ACAP2: variants seen among roughly 807,000 people sequenced by gnomAD.
ACAP2 encodes arf-GAP with coiled-coil, ANK repeat and PH domain-containing protein 2.
ACAP2 carries 39 observed loss-of-function variants against 115.8 expected under a neutral mutation model. That is an observed-to-expected ratio of 0.34 (90% CI 0.26 to 0.44). The LOEUF is 0.44. Among genes scored for constraint, ACAP2 ranks in the 20% least tolerant of loss-of-function variants. The probability of loss-of-function intolerance (pLI) is 1.00; values close to 1 mark genes in which losing one functional copy is unlikely to be tolerated. For synonymous variants in ACAP2, 289 were observed against 315.8 expected, an observed-to-expected ratio of 0.92 and a Z score of 0.90; for missense variants, 662 against 927.6, an observed-to-expected ratio of 0.71 and a Z score of 3.72.
intron 4 of ACAP2, among the ~76,000 whole-genome samples, chr3:195,351,459 T>C (rs1731591512): frequency 2.1e-5 from 3 of 145,708 alleles, no homozygotes. Flanking sequence ...TGTGTGTGTG[T>C]GTGTGTGTGT....
intron 1 of ACAP2, among the ~76,000 whole-genome samples, chr3:195,397,783 A>T (rs1279869524): frequency 6.6e-6 from 1 of 152,178 alleles, no homozygotes; most frequent in African/African-American, 2.4e-5. Flanking sequence ...TAGTCAGTGA[A>T]TGTCAGCTAT....
At chr3:195,367,664 G>A (rs1457513880) in intron 4 of ACAP2, among the ~76,000 whole-genome samples, 1 of 152,192 alleles carries the variant, frequency 6.6e-6, no homozygotes, top group Non-Finnish European at 1.5e-5. Flanking sequence ...GTAGGCCCAG[G>A]CTTTAAGGGA....
intron 1 of ACAP2, among the ~76,000 whole-genome samples, chr3:195,393,479 G>A (rs1481710880): frequency 6.6e-6 from 1 of 152,188 alleles, no homozygotes; most frequent in Non-Finnish European, 1.5e-5. Flanking sequence ...GTAAAGAAAT[G>A]CCTATGATAA....
chr3:195,285,470 T>C lies in ACAP2; in HGVS notation c.2236+326A>G, dbSNP rs1726782447. 1.7e-5 allele frequency: 4 copies of C among 238,080 alleles called. No homozygotes were observed. In the Admixed American group the frequency reaches 2.2e-4, roughly 13 times the overall value. The allele number at this position is 238,080 out of a possible 1,614,324, so 14.7% of individuals were successfully genotyped here. A position where few individuals can be genotyped will look rare whatever the true frequency, so the allele number is the denominator to read the frequency against. On this transcript the variant is annotated intron_variant, in intron 22 of 22. Transcript: ENST00000326793. ...GCTGTAAGTATATGAAGAATATTTTTACCATTCCATTCATTTCACTGGAAT... is the reference window on the plus strand; with the variant it reads ...GCTGTAAGTATATGAAGAATATTTTCACCATTCCATTCATTTCACTGGAAT...
chr3:195,426,938 C>T (rs1041243826), intron 1 of ACAP2, among the ~76,000 whole-genome samples: 14 of 151,950 alleles, frequency 9.2e-5, no homozygotes, highest in Non-Finnish European at 1.5e-4. Flanking sequence ...CCCCGCCACC[C>T]GCCCCCACCA....
intron 15 of ACAP2, among the ~76,000 whole-genome samples, chr3:195,297,504 A>G (rs1208008344): frequency 6.6e-6 from 1 of 152,216 alleles, no homozygotes; most frequent in African/African-American, 2.4e-5. Context: ...CTAGAAGATT[A>G]TCACCCCCAC....
intron 10 of ACAP2, among the ~76,000 whole-genome samples, chr3:195,310,819 C>T (rs1577278042): frequency 6.6e-6 from 1 of 152,042 alleles, no homozygotes; most frequent in East Asian, 1.9e-4. Context: ...TTCATAACAT[C>T]GATTTTTATA....
rs371154076 is a variant in ACAP2, at chr3:195,336,988, C to T, written c.529-12G>A. 5.0e-5 allele frequency: 81 copies of T among 1,608,822 alleles called. No homozygotes were observed. The highest frequency in any genetic ancestry group is 6.3e-5 in the Non-Finnish European group (74 of 1,177,442). ...TGAAGAACATTAATCTGAGGGAAAA[C>T]ACACGTGGTTAATCACCCATGCATT... On this transcript the variant is annotated splice_polypyrimidine_tract_variant and intron_variant, in intron 6 of 22. Transcript: ENST00000326793.
intron 4 of ACAP2, among the ~76,000 whole-genome samples, chr3:195,361,520 T>A (rs115450668): frequency 0.025 from 3,854 of 151,338 alleles, 145 homozygotes; most frequent in African/African-American, 0.085. Context: ...GTATGGGATA[T>A]AGTAAAAGCA....
At chr3:195,430,668 T>C (rs1176534444) in intron 1 of ACAP2, among the ~76,000 whole-genome samples, 1 of 151,928 alleles carries the variant, frequency 6.6e-6, no homozygotes, top group Non-Finnish European at 1.5e-5. Flanking sequence ...TGAGCCGAGA[T>C]TGCACCACTG....
intron 4 of ACAP2, among the ~76,000 whole-genome samples, chr3:195,358,133 A>C (rs562547265): frequency 1.7e-3 from 260 of 152,234 alleles, no homozygotes; most frequent in African/African-American, 6.2e-3. Context: ...GTATCTCTAT[A>C]AGTGTCCAAG....
intron 1 of ACAP2, among the ~76,000 whole-genome samples, chr3:195,408,184 A>G (rs1712948372): frequency 6.6e-6 from 1 of 152,192 alleles, no homozygotes; most frequent in Non-Finnish European, 1.5e-5. Flanking sequence ...AAAACAGGCC[A>G]GGCATAGTGG....
At chr3:195,432,156 TTC>T (rs1049017507) in intron 1 of ACAP2, among the ~76,000 whole-genome samples, 10 of 152,358 alleles carry the variant, frequency 6.6e-5, no homozygotes, top group Admixed American at 2.6e-4. Flanking sequence ...ACTTTTAATG[TTC>T]TGTGTCCTTT....
chr3:195,391,590 AT>A (rs1734680122), intron 2 of ACAP2, among the ~76,000 whole-genome samples: 1 of 152,156 alleles, frequency 6.6e-6, no homozygotes, highest in Non-Finnish European at 1.5e-5. Flanking sequence ...ATGGATTTGA[AT>A]TCCTGCTCTG....
At chr3:195,365,132 G>A (rs1732629761) in intron 4 of ACAP2, among the ~76,000 whole-genome samples, 1 of 152,190 alleles carries the variant, frequency 6.6e-6, no homozygotes, top group Admixed American at 6.5e-5. Context: ...GGGAAGGCTA[G>A]GTGGAGGGTA....
chr3:195,433,786 G>A (rs549986529), intron 1 of ACAP2, among the ~76,000 whole-genome samples: 68 of 152,192 alleles, frequency 4.5e-4, no homozygotes, highest in African/African-American at 1.6e-3. Context: ...TGCATTCCTG[G>A]GATAACTATG....
intron 4 of ACAP2, 137 bp downstream of exon 4, chr3:195,380,872 A>C: frequency 1.4e-6 from 1 of 717,270 alleles, no homozygotes; most frequent in Non-Finnish European, 2.4e-6. Context: ...CGTACATTTT[A>C]GATTCACCCA....
intron 4 of ACAP2, among the ~76,000 whole-genome samples, chr3:195,357,183 G>A (rs189364520): frequency 6.6e-6 from 1 of 152,108 alleles, no homozygotes; most frequent in East Asian, 2.0e-4. Context: ...CATTGTGGCA[G>A]TACTCCCTGT....
At chr3:195,378,564 T>C (rs1035927129) in intron 4 of ACAP2, among the ~76,000 whole-genome samples, 2 of 149,964 alleles carry the variant, frequency 1.3e-5, no homozygotes, top group Admixed American at 6.6e-5. Context: ...ATAATACATA[T>C]ATACCTTGCT....
Sources: allele counts gnomAD v4.1 joint callset (sites outside exome capture counted in the v4.1 genomes callset), GRCh38; gene constraint gnomAD v4.1.1; transcripts MANE v1.5; gene names NCBI Gene and HGNC (gene_info 2026-07-23, HGNC 2026-07-21).